The following ABCC11 variants were observed in gnomAD, a reference collection of about 807,000 sequenced individuals.
ABCC11 encodes the protein ATP-binding cassette sub-family C member 11.
A neutral mutation model predicts 149.3 loss-of-function variants in ABCC11; 135 were observed. The observed-to-expected ratio is 0.90, with a 90% CI of 0.79 to 1.04. The LOEUF is 1.04. ABCC11 is among the 50% of genes least tolerant of loss of function. The pLI, the probability that ABCC11 is intolerant of heterozygous loss-of-function variation, is 0.00. For synonymous variants in ABCC11, 665 were observed against 671.4 expected, an observed-to-expected ratio of 0.99 and a Z score of 0.15; for missense variants, 1,680 against 1,722.1, an observed-to-expected ratio of 0.98 and a Z score of 0.43.
chr16:48,242,915 G>C (rs1258320854), intron 1 of ABCC11, among the ~76,000 whole-genome samples: 1 of 152,164 alleles, frequency 6.6e-6, no homozygotes, highest in African/African-American at 2.4e-5. Flanking sequence ...GGGGAGTGGG[G>C]GGGAAGGGAT....
At chr16:48,199,563 A>G (rs1318343576) in intron 15 of ABCC11, among the ~76,000 whole-genome samples, 1 of 152,140 alleles carries the variant, frequency 6.6e-6, no homozygotes, top group Non-Finnish European at 1.5e-5. Context: ...CACTGCGGTC[A>G]TCATCGGTAA....
At chr16:48,189,674 C>T (rs1966854559) in intron 20 of ABCC11, among the ~76,000 whole-genome samples, 1 of 152,116 alleles carries the variant, frequency 6.6e-6, no homozygotes, top group Non-Finnish European at 1.5e-5. Flanking sequence ...TTGGAATGTG[C>T]CATCAAAAGA....
In ABCC11 at chr16:48,208,447, A is replaced by T; in HGVS notation, c.1658T>A (p.Leu553Gln). 1 of 1,614,152 alleles carries T rather than the reference A, an allele frequency of 6.2e-7. No individual in the cohort carries two copies. Among genetic ancestry groups the T allele is most frequent in the Non-Finnish European group, 8.5e-7 (1 of 1,180,006 alleles). ...CGNTGSGKSSLLSAILEEMHL... is the reference protein window; with the variant it reads ...CGNTGSGKSSQLSAILEEMHL... ...TACCTCCTCCAGGATGGCTGACAAC[A>T]GGCTGCTCTTACCACTCCCCGTGTT... The change falls in exon 12 of 30, where the codon CTG becomes CAG. Residue 553 changes from leucine to glutamine, a missense_variant. By Grantham distance (113) the Leu-to-Gln change is moderately radical. Transcript: ENST00000356608.
chr16:48,244,683 C>T (rs972144900), intron 1 of ABCC11: 49 of 1,174,674 alleles, frequency 4.2e-5, no homozygotes, highest in Non-Finnish European at 5.1e-5. Flanking sequence ...GACCTGGGCC[C>T]AGGCCACGGC....
Position 48,203,288 on chromosome 16 carries a change from C to T in ABCC11, c.1818G>A (p.Val606=). Residue 606 remains valine (V), a synonymous_variant, in exon 14 of 30, where the codon GTG becomes GTA. Transcript: ENST00000356608. ...GAYDKARYLQ[V]LHCCSLNRDL... Reference sequence around the variant, plus strand: ...CCCGATTCAGGGAGCAGCAGTGGAGCACCTGGAGGTATCTGTGAAGGACAG... The same window carrying T: ...CCCGATTCAGGGAGCAGCAGTGGAGTACCTGGAGGTATCTGTGAAGGACAG... 4 of 1,579,728 alleles carry T rather than the reference C, an allele frequency of 2.5e-6. No individual in the cohort carries two copies. The highest frequency in any genetic ancestry group is 3.4e-6 in the Non-Finnish European group (4 of 1,161,974).
Position 48,213,057 on chromosome 16 carries a change from T to A in ABCC11, c.1356+386A>T, listed in dbSNP as rs549078884. Among the ~76,000 whole-genome samples, 84 of 152,338 alleles carry A rather than the reference T, an allele frequency of 5.5e-4. No individual in the cohort carries two copies. The East Asian group carries it at 8.5e-3, about 15-fold the overall frequency. On this transcript the variant is annotated intron_variant, in intron 10 of 29. Transcript: ENST00000356608. ...AATGTGGTCCAGGGTCACTAGACCT[T>A]CTAATCATTCAAGAGAATTCAAAAA...
chr16:48,237,848 A>G (rs1970763620), intron 1 of ABCC11, among the ~76,000 whole-genome samples: 1 of 151,674 alleles, frequency 6.6e-6, no homozygotes, highest in Non-Finnish European at 1.5e-5. Flanking sequence ...CTTGGCCCCC[A>G]CCCCCTAATC....
intron 17 of ABCC11, among the ~76,000 whole-genome samples, chr16:48,197,669 GC>G (rs1475209601): frequency 2.0e-5 from 3 of 152,130 alleles, no homozygotes; most frequent in Admixed American, 1.3e-4. Context: ...ATGTCTAGAT[GC>G]CTGGTCAAGT....
chr16:48,167,998 G>A (rs1210302718), intron 28 of ABCC11, among the ~76,000 whole-genome samples: 1 of 152,156 alleles, frequency 6.6e-6, no homozygotes, highest in Non-Finnish European at 1.5e-5. Flanking sequence ...CTCCAAGAAG[G>A]GGCAGGCACA....
intron 8 of ABCC11, 39 bp downstream of exon 8, chr16:48,215,158 C>A: frequency 6.3e-7 from 1 of 1,598,146 alleles, no homozygotes. Flanking sequence ...CTTACCATGC[C>A]ATCACCAGGT....
intron 23 of ABCC11, among the ~76,000 whole-genome samples, chr16:48,183,054 A>G (rs1240111771): frequency 1.3e-5 from 2 of 152,240 alleles, no homozygotes; most frequent in East Asian, 1.9e-4. Flanking sequence ...CTGTCTTACA[A>G]ATAGAAAACT....
intron 3 of ABCC11, 59 bp from the exon 4 acceptor site, chr16:48,228,023 A>G: frequency 6.7e-7 from 1 of 1,483,272 alleles, no homozygotes; most frequent in Non-Finnish European, 9.2e-7. Flanking sequence ...GCAAGGATGA[A>G]TGACAACCAT....
At chr16:48,193,784 G>A in intron 19 of ABCC11, 95 bp downstream of exon 19, 1 of 1,034,224 alleles carries the variant, frequency 9.7e-7, no homozygotes, top group Non-Finnish European at 1.4e-6. Flanking sequence ...TGGGTCCCAA[G>A]CCATGCTCTG....
At position 48,186,965 on chromosome 16, in the gene ABCC11, T is replaced by A. The variant is rs778150422; in HGVS notation, c.3059A>T (p.Asp1020Val). 1 of 1,614,116 alleles carries A rather than the reference T, an allele frequency of 6.2e-7. No individual in the cohort carries two copies. Among genetic ancestry groups the A allele is most frequent in the South Asian group, 1.1e-5 (1 of 91,070 alleles). ...CAGAAGGACTCACTGGCTGATGAAG[T>A]CTTCAGTTTTTCCATAGACATGGAT... is the stretch of plus-strand genomic sequence containing the variant. ...SSIHVYGKTE[D>V]FISQFKRLTD... Residue 1020 changes from aspartate to valine, a missense_variant, in exon 22 of 30, where the codon GAC (aspartate) becomes GTC (valine). Transcript: ENST00000356608.
intron 1 of ABCC11, among the ~76,000 whole-genome samples, chr16:48,243,921 G>T (rs1276426287): frequency 1.3e-5 from 2 of 152,084 alleles, no homozygotes; most frequent in Non-Finnish European, 2.9e-5. Flanking sequence ...GAACCCGGGA[G>T]GCAGAGGCTG....
At chr16:48,244,670 G>C (rs1971245273) in intron 1 of ABCC11, 2 of 1,268,256 alleles carry the variant, frequency 1.6e-6, no homozygotes, top group African/African-American at 1.6e-5. Flanking sequence ...GGCCTCCTCC[G>C]GGGACCTGGG....
intron 23 of ABCC11, among the ~76,000 whole-genome samples, chr16:48,179,286 C>T (rs566097511): frequency 4.6e-5 from 7 of 152,326 alleles, no homozygotes; most frequent in African/African-American, 1.7e-4. Flanking sequence ...ACCCAAGTTC[C>T]TTTCTCAGGT....
intron 1 of ABCC11, among the ~76,000 whole-genome samples, chr16:48,238,812 C>G (rs956063062): frequency 1.3e-5 from 2 of 151,398 alleles, no homozygotes; most frequent in Non-Finnish European, 2.9e-5. Flanking sequence ...TGGTGGGAAC[C>G]TGTAGTCCCA....
chr16:48,186,474 C>T (rs777381923), intron 22 of ABCC11, among the ~76,000 whole-genome samples: 1 of 152,202 alleles, frequency 6.6e-6, no homozygotes, highest in Non-Finnish European at 1.5e-5. Flanking sequence ...GTTCGTGTTA[C>T]ACCATTAAAC....
Sources: gnomAD v4.1 joint callset for allele counts (sites outside exome capture counted in the v4.1 genomes callset) on GRCh38, gnomAD v4.1.1 for gene constraint, MANE v1.5 for transcripts, NCBI Gene and HGNC (gene_info 2026-07-23, HGNC 2026-07-21) for gene names.